Variants in WDR59 observed in about 807,000 individuals in gnomAD.
WDR59 encodes WD repeat domain 59.
A neutral mutation model predicts 131.2 loss-of-function variants in WDR59; 100 were observed. The observed-to-expected ratio is 0.76, with a 90% CI of 0.65 to 0.90. The LOEUF is 0.90. Among genes scored for constraint, WDR59 ranks in the 40% least tolerant of loss-of-function variants. The probability of loss-of-function intolerance (pLI) is 0.00; values close to 1 mark genes in which losing one functional copy is unlikely to be tolerated. For synonymous variants in WDR59, 601 were observed against 466.2 expected (o/e 1.29, Z -3.72); for missense variants, 1,203 against 1,262.2 (o/e 0.95, Z 0.71).
At chr16:74,895,493 C>A (rs1289984404) in intron 18 of WDR59, among the ~76,000 whole-genome samples, 1 of 152,140 alleles carries the variant, frequency 6.6e-6, no homozygotes, top group African/African-American at 2.4e-5. Context: ...GAACTCCTGA[C>A]CTCAAGTGAT....
In WDR59 at chr16:74,965,080, T is replaced by A. The variant is rs74599039; in HGVS notation, c.104+693A>T. Among the ~76,000 whole-genome samples the A allele has an allele frequency of 1.1e-3, 158 of 150,422 alleles. 3 individuals are homozygous for A. In the East Asian group the frequency reaches 0.023, roughly 22 times the overall value. ...ACTCCGTCTCAAAAAAAAAAAAAAA[T>A]TTTTTTTTGAGATGGGGTCTTGCTA... On this transcript the variant is annotated intron_variant, in intron 2 of 25. Transcript: ENST00000262144.
intron 17 of WDR59, among the ~76,000 whole-genome samples, chr16:74,907,692 T>C (rs1188074034): frequency 2.6e-5 from 4 of 152,226 alleles, no homozygotes; most frequent in Admixed American, 6.5e-5. Context: ...TGCAACTTAT[T>C]ATATCTTGGT....
At chr16:74,905,339 C>CA (rs1215364677) in intron 17 of WDR59, among the ~76,000 whole-genome samples, 1 of 151,644 alleles carries the variant, frequency 6.6e-6, no homozygotes, top group Non-Finnish European at 1.5e-5. Flanking sequence ...TGCGCCATTG[C>CA]ACTCCAGCCT....
At chr16:74,974,531 C>T (rs1202118176) in intron 1 of WDR59, among the ~76,000 whole-genome samples, 1 of 145,370 alleles carries the variant, frequency 6.9e-6, no homozygotes, top group Non-Finnish European at 1.5e-5. Flanking sequence ...CATGAGGCTA[C>T]TACTATCCTT....
intron 6 of WDR59, among the ~76,000 whole-genome samples, chr16:74,948,159 A>G (rs1249146070): frequency 1.3e-5 from 2 of 152,226 alleles, no homozygotes; most frequent in Admixed American, 6.5e-5. Context: ...GTATGATGAC[A>G]AGTGTTGAAG....
In WDR59 at chr16:74,948,625, T is replaced by G; in HGVS notation, c.408-69A>C. On this transcript the variant is annotated intron_variant, in intron 5 of 25. Transcript: ENST00000262144. ...ACCACCCACCTGGTATTTTTCACCC[T>G]TTGCACACAATTCTTCGCTTTCCTT... 2.3e-6 allele frequency: 3 copies of G among 1,284,872 alleles called. No homozygotes were observed. The Admixed American group carries it at 5.1e-5, about 22-fold the overall frequency. 79.6% of individuals were successfully genotyped at this position (1,284,872 alleles called of 1,614,324 possible). A position where few individuals can be genotyped will look rare whatever the true frequency, so the allele number is the denominator to read the frequency against.
rs751247244 is a variant in WDR59 at position 74,874,074 on chromosome 16, C to T, written c.*135G>A. ...AGAGGCCCACCAAGAGCTGATGCTG[C>T]GCAGTCCTTGGGGGATCATCCTCCG... is the stretch of plus-strand genomic sequence containing the variant. On this transcript the variant is annotated 3_prime_UTR_variant, in exon 26 of 26. Transcript: ENST00000262144. 71 of 702,996 alleles carry T rather than the reference C, an allele frequency of 1.0e-4. 1 individual carries two copies. Among genetic ancestry groups the T allele is most frequent in the East Asian group, 8.7e-4 (32 of 36,858 alleles). 43.5% of individuals were successfully genotyped at this position (702,996 alleles called of 1,614,324 possible). A position where few individuals can be genotyped will look rare whatever the true frequency, so the allele number is the denominator to read the frequency against.
intron 13 of WDR59, among the ~76,000 whole-genome samples, chr16:74,912,719 T>G (rs1227124946): frequency 1.3e-5 from 2 of 152,108 alleles, no homozygotes; most frequent in African/African-American, 2.4e-5. Context: ...GAACAAAGAT[T>G]TACCCATGTA....
At chr16:74,970,362 A>G (rs1265005507) in intron 1 of WDR59, among the ~76,000 whole-genome samples, 1 of 151,878 alleles carries the variant, frequency 6.6e-6, no homozygotes, top group African/African-American at 2.4e-5. Context: ...AATTCTACTT[A>G]TCTTCTAAGT....
At chr16:74,875,016 G>A (rs1037534199) in intron 25 of WDR59, among the ~76,000 whole-genome samples, 1 of 152,196 alleles carries the variant, frequency 6.6e-6, no homozygotes, top group African/African-American at 2.4e-5. Context: ...GGGCAGCTGC[G>A]TCTGATGCCT....
At chr16:74,978,914 G>C (rs1437725477) in intron 1 of WDR59, 1 of 152,070 alleles carries the variant, frequency 6.6e-6, no homozygotes, top group Non-Finnish European at 1.5e-5. Flanking sequence ...AGCCACCGTG[G>C]GTCTGCAGTT....
intron 17 of WDR59, among the ~76,000 whole-genome samples, chr16:74,904,980 C>T (rs370526801): frequency 6.6e-6 from 1 of 152,354 alleles, no homozygotes. Context: ...CCTTAACTCA[C>T]ATTACATGCA....
chr16:74,930,316 T>C (rs1444013782), intron 8 of WDR59, among the ~76,000 whole-genome samples: 3 of 152,162 alleles, frequency 2.0e-5, no homozygotes, highest in Non-Finnish European at 4.4e-5. Context: ...ACCCCATACA[T>C]ATATACACCT....
intron 15 of WDR59, 61 bp downstream of exon 15, chr16:74,909,761 G>A (rs1385016694): frequency 1.3e-6 from 2 of 1,584,206 alleles, no homozygotes; most frequent in African/African-American, 2.7e-5. Flanking sequence ...TGATTTTAGG[G>A]AGAAAGAAAT....
intron 17 of WDR59, 160 bp downstream of exon 17, chr16:74,908,748 A>C (rs1364270909): frequency 5.2e-6 from 3 of 577,780 alleles, no homozygotes; most frequent in Non-Finnish European, 9.0e-6. Flanking sequence ...GCTTTTTTGC[A>C]ATTTAATTGA....
intron 7 of WDR59, among the ~76,000 whole-genome samples, chr16:74,942,489 CA>C (rs1479700921): frequency 6.6e-6 from 1 of 152,160 alleles, no homozygotes; most frequent in Non-Finnish European, 1.5e-5. Flanking sequence ...TACCTGGTGT[CA>C]TAATTAGGAG....
At chr16:74,937,668 A>G (rs936833710) in intron 8 of WDR59, among the ~76,000 whole-genome samples, 1 of 151,976 alleles carries the variant, frequency 6.6e-6, no homozygotes, top group African/African-American at 2.4e-5. Context: ...CACCCAGCTA[A>G]TTTTTGTATT....
chr16:74,983,367 G>A (rs919534536), intron 1 of WDR59, among the ~76,000 whole-genome samples: 4 of 152,024 alleles, frequency 2.6e-5, no homozygotes, highest in African/African-American at 9.7e-5. Flanking sequence ...CAGCTACTCG[G>A]GAGGCTGAGG....
rs751731132 is a variant in WDR59 at position 74,923,978 on chromosome 16, T to C, written c.677A>G (p.Lys226Arg). The C allele has an allele frequency of 1.8e-5, 29 of 1,613,582 alleles. No individual in the cohort carries two copies. Among genetic ancestry groups the C allele is most frequent in the Non-Finnish European group, 2.5e-5 (29 of 1,179,972 alleles). Residue 226 changes from lysine (K) to arginine (R), a missense_variant, in exon 9 of 26, where the codon AAA becomes AGA. Coordinates refer to ENST00000262144, the MANE Select transcript of WDR59 (RefSeq NM_030581.4). ...CTGGCAAGGAAGAATATTGAGGTAT[T>C]TCCGAGGCTGGCGGTAATCCCAGAA... ...VKFWDYRQPRKYLNILPCQVP... is the reference protein window; with the variant it reads ...VKFWDYRQPRRYLNILPCQVP...
Sources: allele counts gnomAD v4.1 joint callset (sites outside exome capture counted in the v4.1 genomes callset), GRCh38; gene constraint gnomAD v4.1.1; transcripts MANE v1.5; gene names NCBI Gene and HGNC (gene_info 2026-07-23, HGNC 2026-07-21).